The following SRSF11 variants were observed in gnomAD, a reference collection of about 807,000 sequenced individuals.
The protein encoded by SRSF11 is serine and arginine rich splicing factor 11, also known as serine/arginine-rich splicing factor 11.
In SRSF11, 9 loss-of-function variants were observed where a neutral mutation model predicts 56.0. The ratio of observed to expected loss-of-function variants is 0.16; its 90% CI spans 0.10 to 0.28. The LOEUF (loss-of-function observed/expected upper bound fraction) is 0.28, where lower values mean the gene tolerates loss of function less well. SRSF11 is among the 10% of genes least tolerant of loss of function. The pLI is 1.00. For synonymous variants in SRSF11, 222 were observed against 215.3 expected (o/e 1.03, Z -0.27); for missense variants, 421 against 600.7 (o/e 0.70, Z 3.13).
chr1:70,244,694 A>G lies in SRSF11; in HGVS notation c.811A>G (p.Ser271Gly). Reference protein sequence around the residue: ...PSSSRHRRSRSRSRRRSHSKS... With the variant: ...PSSSRHRRSRGRSRRRSHSKS... ...CTTTTACACTATTAGGCGGTCAAGAAGCAGATCGAGACGGCGGTCACATTC... is the reference window on the plus strand; with the variant it reads ...CTTTTACACTATTAGGCGGTCAAGAGGCAGATCGAGACGGCGGTCACATTC... Residue 271 changes from serine to glycine, a missense_variant, in exon 8 of 12, where the codon AGC (serine) becomes GGC (glycine). Physicochemically the swap from Ser to Gly is moderately conservative, Grantham distance 56. Around this residue, in one of 2 missense-constraint regions of SRSF11, gnomAD observed 253 missense variants for 305.8 expected, o/e 0.83. Coordinates refer to ENST00000370949, the MANE Select transcript of SRSF11 (RefSeq NM_001350605.2). 2 of 1,614,102 alleles carry G rather than the reference A, an allele frequency of 1.2e-6. No individual in the cohort carries two copies. Among genetic ancestry groups the G allele is most frequent in the Non-Finnish European group, 1.7e-6 (2 of 1,179,938 alleles).
chr1:70,235,384 T>A (rs1673742705), intron 4 of SRSF11, 117 bp from the exon 5 acceptor site: 6 of 833,662 alleles, frequency 7.2e-6, no homozygotes, highest in Non-Finnish European at 1.1e-5. Context: ...TACTAAAAAA[T>A]TTATGTTTCA....
At chr1:70,246,993 C>A in intron 9 of SRSF11, 86 bp downstream of exon 9, 2 of 1,240,952 alleles carry the variant, frequency 1.6e-6, no homozygotes, top group South Asian at 1.8e-5. Context: ...GAAGTCTTTT[C>A]CAGAACATAA....
intron 2 of SRSF11, chr1:70,229,498 GT>G (rs1672465690): frequency 1.0e-6 from 1 of 985,004 alleles, no homozygotes; most frequent in South Asian, 4.7e-5. Context: ...TAATTAGTTT[GT>G]TCCCAATGTA....
intron 3 of SRSF11, among the ~76,000 whole-genome samples, chr1:70,233,220 T>G (rs530244141): frequency 3.2e-4 from 48 of 152,198 alleles, no homozygotes; most frequent in Non-Finnish European, 4.0e-4. Context: ...GTTTTGTTTT[T>G]TTTTGTTTGT....
rs1239430203 is a variant in SRSF11 at position 70,250,617 on chromosome 1, C to T, written c.1267C>T (p.Arg423Trp). The T allele has an allele frequency of 3.7e-6, 6 of 1,613,322 alleles. No homozygotes were observed. The highest frequency in any genetic ancestry group is 5.1e-6 in the Non-Finnish European group (6 of 1,179,826). Residue 423 changes from arginine to tryptophan, a missense_variant, in exon 12 of 12, where the codon CGG (arginine) becomes TGG (tryptophan). Physicochemically the swap from Arg to Trp is moderately radical, Grantham distance 101 (BLOSUM62 -3). Transcript: ENST00000370949. ...ATTCTCCTTGGCAAAGCAGGTTACA[C>T]GGGATTATGATGAAGAGGAACAGGG... ...ESDKDVKQVT[R>W]DYDEEEQGYD... is the part of the protein sequence containing the mutation.
chr1:70,246,764 A>G, intron 8 of SRSF11, 54 bp from the exon 9 acceptor site: 3 of 1,155,130 alleles, frequency 2.6e-6, no homozygotes, highest in Middle Eastern at 3.9e-4. Context: ...GTGCTATATA[A>G]ATTGGCATCA....
At chr1:70,219,906 T>C (rs1236092980), upstream of SRSF11, among the ~76,000 whole-genome samples, 1 of 152,252 alleles carries the variant, frequency 6.6e-6, no homozygotes, top group East Asian at 1.9e-4. Context: ...CCAAGAGGTA[T>C]TCACTAATGT....
chr1:70,252,070 C>T lies in SRSF11; in HGVS notation c.*1265C>T, dbSNP rs900939226. ...CTGAATGTATGACATTTACCTCATT[C>T]ATTTTACAAATTCTTTCCCTTTCTG... is the stretch of plus-strand genomic sequence containing the variant. On this transcript the variant is annotated 3_prime_UTR_variant, in exon 12 of 12. Coordinates refer to ENST00000370949, the MANE Select transcript of SRSF11 (RefSeq NM_001350605.2). 1 of 152,554 alleles carries T rather than the reference C, an allele frequency of 6.6e-6. No individual in the cohort carries two copies. The highest frequency in any genetic ancestry group is 1.5e-5 in the Non-Finnish European group (1 of 67,984). The allele number at this position is 152,554 out of a possible 1,614,324, so 9.5% of individuals were successfully genotyped here.
intron 1 of SRSF11, among the ~76,000 whole-genome samples, chr1:70,222,498 G>C (rs751171849): frequency 6.6e-5 from 10 of 152,150 alleles, no homozygotes; most frequent in Non-Finnish European, 1.2e-4. Context: ...TTGAATTAGA[G>C]TGTATGACTT....
chr1:70,209,334 CAAGT>C (rs1023448967), intron 1 of SRSF11, among the ~76,000 whole-genome samples: 24 of 152,250 alleles, frequency 1.6e-4, no homozygotes, highest in African/African-American at 5.5e-4. Context: ...AAAATGGAGT[CAAGT>C]AAGAGCAAAG....
chr1:70,208,688 A>T (rs1270826908), intron 1 of SRSF11, among the ~76,000 whole-genome samples: 1 of 152,184 alleles, frequency 6.6e-6, no homozygotes, highest in Non-Finnish European at 1.5e-5. Flanking sequence ...TACAGTAAAA[A>T]TTATTACCTA....
chr1:70,219,937 A>G (rs1027282104), upstream of SRSF11, among the ~76,000 whole-genome samples: 1 of 152,364 alleles, frequency 6.6e-6, no homozygotes, highest in African/African-American at 2.4e-5. Context: ...TAAGGCTTCA[A>G]GTTTGTTTGT....
At chr1:70,246,988 CT>C in intron 9 of SRSF11, 81 bp downstream of exon 9, 1 of 1,270,306 alleles carries the variant, frequency 7.9e-7, no homozygotes, top group Non-Finnish European at 1.1e-6. Context: ...AGTATGAAGT[CT>C]TTTCCAGAAC....
At chr1:70,244,949 T>G (rs1297234219) in intron 8 of SRSF11, 134 bp downstream of exon 8, 14 of 821,414 alleles carry the variant, frequency 1.7e-5, no homozygotes, top group Non-Finnish European at 1.8e-6. Flanking sequence ...TGTCAATATT[T>G]GAGTTTGAGG....
At position 70,250,723 on chromosome 1, in the gene SRSF11, A is replaced by G; in HGVS notation, c.1373A>G (p.Glu458Gly). 1.9e-6 allele frequency: 3 copies of G among 1,614,018 alleles called. No homozygotes were observed. Among genetic ancestry groups the G allele is most frequent in the African/African-American group, 2.7e-5 (2 of 75,034 alleles). The change falls in exon 12 of 12, where the codon GAA (glutamate) becomes GGA (glycine). Residue 458 changes from glutamate (E) to glycine (G), a missense_variant. This residue lies in a region of SRSF11 where 253 missense variants were observed against 305.8 expected (regional missense o/e 0.83). Coordinates refer to ENST00000370949, the MANE Select transcript of SRSF11 (RefSeq NM_001350605.2). Reference protein sequence around the residue: ...GSPKTKECSVEKGTGDSLRES... With the variant: ...GSPKTKECSVGKGTGDSLRES... ...CCTAAAACAAAGGAATGTTCTGTGGAAAAGGGAACTGGTGATTCACTAAGA... is the reference window on the plus strand; with the variant it reads ...CCTAAAACAAAGGAATGTTCTGTGGGAAAGGGAACTGGTGATTCACTAAGA...
At chr1:70,240,852 C>A (rs1174816805) in intron 7 of SRSF11, among the ~76,000 whole-genome samples, 1 of 151,356 alleles carries the variant, frequency 6.6e-6, no homozygotes, top group Non-Finnish European at 1.5e-5. Flanking sequence ...CTTGGCTCAC[C>A]ACAACTTCCG....
Position 70,221,411 on chromosome 1 carries a change from C to A in SRSF11, c.-226C>A, listed in dbSNP as rs896477731. On this transcript the variant is annotated 5_prime_UTR_variant, in exon 1 of 12. Coordinates refer to ENST00000370949, the MANE Select transcript of SRSF11 (RefSeq NM_001350605.2). Reference sequence around the variant, plus strand: ...GTGGTTGGAGGCGAGGTGGGGCGGCCGTTTGTTTTCTCGTGGTCTCGAGCT... The same window carrying A: ...GTGGTTGGAGGCGAGGTGGGGCGGCAGTTTGTTTTCTCGTGGTCTCGAGCT... 3.6e-6 allele frequency: 2 copies of A among 551,322 alleles called. No individual in the cohort carries two copies. The highest frequency in any genetic ancestry group is 6.3e-6 in the Non-Finnish European group (2 of 319,946). The allele number at this position is 551,322 out of a possible 1,614,324, so 34.2% of individuals were successfully genotyped here.
chr1:70,227,329 A>G (rs1672001989), intron 1 of SRSF11, among the ~76,000 whole-genome samples: 1 of 152,184 alleles, frequency 6.6e-6, no homozygotes, highest in Admixed American at 6.5e-5. Context: ...CTTTTCATTA[A>G]TGAGTCCTAT....
rs1379409741 is a variant in SRSF11 at position 70,242,721 on chromosome 1, C to A, written c.801-1963C>A. 4.6e-5 allele frequency among the ~76,000 whole-genome samples: 7 copies of A among 152,274 alleles called. No individual in the cohort carries two copies. In the East Asian group the frequency reaches 1.4e-3, roughly 29 times the overall value. The stretch of plus-strand genomic sequence containing the variant: ...TTTGCTGGTTAAAAGCTCATATGAA[C>A]TAGTAAGTGTAGAAAAGTGACGGTA... On this transcript the variant is annotated intron_variant, in intron 7 of 11. Transcript: ENST00000370949.
Sources: allele counts gnomAD v4.1 joint callset (sites outside exome capture counted in the v4.1 genomes callset), GRCh38; gene constraint gnomAD v4.1.1; regional missense constraint gnomAD v4.1.1; transcripts MANE v1.5; gene names NCBI Gene and HGNC (gene_info 2026-07-23, HGNC 2026-07-21).